MYH10: variants seen among roughly 807,000 people sequenced by gnomAD.
MYH10 encodes myosin-10.
In MYH10, 55 loss-of-function variants were observed where a neutral mutation model predicts 257.8. That is an observed-to-expected ratio of 0.21 (90% CI 0.17 to 0.27). MYH10 has a LOEUF of 0.27. Ranked by LOEUF, MYH10 falls within the 10% of genes least tolerant of loss-of-function variation. The pLI is 1.00. For missense variants in MYH10, 1,631 were observed against 2,500.6 expected (o/e 0.65, Z 7.42); for synonymous variants, 854 against 921.7 (o/e 0.93, Z 1.33).
At chr17:8,626,585 AATAATAAT>A (rs2085688715) in intron 1 of MYH10, among the ~76,000 whole-genome samples, 1 of 144,216 alleles carries the variant, frequency 6.9e-6, no homozygotes. Flanking sequence ...AATAAATAAT[AATAATAAT>A]AATAATAATA....
chr17:8,514,304 A>G (rs2151886381), intron 21 of MYH10, among the ~76,000 whole-genome samples: 1 of 152,178 alleles, frequency 6.6e-6, no homozygotes, highest in East Asian at 1.9e-4. Flanking sequence ...TTTCCTTTTG[A>G]TATGTCACAG....
Position 8,492,911 on chromosome 17 carries a change from C to T in MYH10, c.4323G>A (p.Glu1441=), listed in dbSNP as rs767600655. 1.9e-6 allele frequency: 3 copies of T among 1,614,142 alleles called. No individual in the cohort carries two copies. Among genetic ancestry groups the T allele is most frequent in the African/African-American group, 1.3e-5 (1 of 75,044 alleles). The change falls in exon 33 of 43, where the codon GAG becomes GAA. Residue 1441 remains glutamate (E), a synonymous_variant. Coordinates refer to ENST00000360416, the MANE Select transcript of MYH10 (RefSeq NM_001256012.3). Reference sequence around the variant, plus strand: ...CCAGTTTGTCATACGCCAGTGCCTTCTCCTCCAGGCGCTGGCTCAGGGCCT... The same window carrying T: ...CCAGTTTGTCATACGCCAGTGCCTTTTCCTCCAGGCGCTGGCTCAGGGCCT... The part of the protein sequence containing the change: ...DAEALSQRLE[E]KALAYDKLEK...
intron 34 of MYH10, 71 bp downstream of exon 34, chr17:8,492,226 C>T (rs888009448): frequency 5.4e-6 from 8 of 1,473,284 alleles, no homozygotes; most frequent in African/African-American, 1.4e-5. Flanking sequence ...GAGTCGCCCG[C>T]TCCTGTGTGA....
Position 8,499,299 on chromosome 17 carries a change from C to G in MYH10, c.3922G>C (p.Glu1308Gln). 2 of 1,614,048 alleles carry G rather than the reference C, an allele frequency of 1.2e-6. No homozygotes were observed. The highest frequency in any genetic ancestry group is 1.7e-6 in the Non-Finnish European group (2 of 1,179,992). The change falls in exon 30 of 43, where the codon GAG (glutamate) becomes CAG (glutamine). Residue 1308 changes from glutamate to glutamine, a missense_variant. This residue lies in a region of MYH10 where 463 missense variants were observed against 621.8 expected (regional missense o/e 0.74). Coordinates refer to ENST00000360416, the MANE Select transcript of MYH10 (RefSeq NM_001256012.3). ...AGCTTACTTGCTTTCTCCGCCAGCT[C>G]CACCCTGAGCCTGTCGCCTTCAGAG... is the stretch of plus-strand genomic sequence containing the variant. ...KVSEGDRLRV[E>Q]LAEKASKLQN...
chr17:8,506,243 G>A lies in MYH10; in HGVS notation c.3386+75C>T. 1 of 1,428,408 alleles carries A rather than the reference G, an allele frequency of 7.0e-7. No homozygotes were observed. The highest frequency in any genetic ancestry group is 9.2e-7 in the Non-Finnish European group (1 of 1,082,074). 88.5% of individuals were successfully genotyped at this position (1,428,408 alleles called of 1,614,324 possible). A position where few individuals can be genotyped will look rare whatever the true frequency, so the allele number is the denominator to read the frequency against. ...TCTCACTCTCCCAGGGTTTTTGAAT[G>A]CTCCCGAACATAACAAAGTCTGCTG... On this transcript the variant is annotated intron_variant, in intron 27 of 42. Transcript: ENST00000360416. This position sits in a 1 kb window ranked among gnomAD's most constrained non-coding sequence, Gnocchi z 5.0.
intron 4 of MYH10, among the ~76,000 whole-genome samples, chr17:8,581,965 T>C (rs1470564792): frequency 6.6e-6 from 1 of 152,182 alleles, no homozygotes; most frequent in East Asian, 1.9e-4. Flanking sequence ...TTATATGCCT[T>C]TAAAATGAGA....
At chr17:8,625,864 C>A (rs1227193687) in intron 1 of MYH10, among the ~76,000 whole-genome samples, 2 of 152,254 alleles carry the variant, frequency 1.3e-5, no homozygotes, top group African/African-American at 4.8e-5. Context: ...AACCATTGCT[C>A]CAAAGTTCTG....
chr17:8,592,069 C>T (rs2084167537), intron 3 of MYH10, among the ~76,000 whole-genome samples: 1 of 152,190 alleles, frequency 6.6e-6, no homozygotes, highest in Non-Finnish European at 1.5e-5. Flanking sequence ...GGGGGAAAAA[C>T]TCACTTTCAA....
At chr17:8,476,068 C>T (rs1425406025) in intron 42 of MYH10, 120 bp from the exon 43 acceptor site, 3 of 1,175,482 alleles carry the variant, frequency 2.6e-6, no homozygotes, top group Non-Finnish European at 3.5e-6. Context: ...GGACACACGA[C>T]CTTGTGGGGG....
At chr17:8,564,798 A>G (rs557904491) in intron 7 of MYH10, among the ~76,000 whole-genome samples, 5 of 152,362 alleles carry the variant, frequency 3.3e-5, no homozygotes, top group Admixed American at 3.3e-4. Flanking sequence ...AGGAAAGATA[A>G]TAAATACACA....
At chr17:8,512,170 T>C (rs141452076) in intron 24 of MYH10, among the ~76,000 whole-genome samples, 79 of 152,356 alleles carry the variant, frequency 5.2e-4, no homozygotes, top group Admixed American at 1.3e-3. Context: ...CAGAATGCTA[T>C]AGATCCTGGG....
rs780299862 is a variant in MYH10 at position 8,480,420 on chromosome 17, G to T, written c.5370C>A (p.Phe1790Leu). Reference protein sequence around the residue: ...QSNMELLNDRFRKTTLQVDTL... With the variant: ...QSNMELLNDRLRKTTLQVDTL... ...GGGCCACCTGTAGAGTGGTCTTGCG[G>T]AAGCGGTCGTTGAGCAGCTCCATGT... The change falls in exon 39 of 43, where the codon TTC becomes TTA. Residue 1790 changes from phenylalanine (F) to leucine (L), a missense_variant. This residue lies in a region of MYH10 where 343 missense variants were observed against 389.5 expected (regional missense o/e 0.88). Coordinates refer to ENST00000360416, the MANE Select transcript of MYH10 (RefSeq NM_001256012.3). 1.9e-6 allele frequency: 3 copies of T among 1,613,228 alleles called. No homozygotes were observed. The highest frequency in any genetic ancestry group is 3.3e-5 in the Admixed American group (2 of 60,002).
At chr17:8,546,973 A>T (rs1053804057) in intron 11 of MYH10, among the ~76,000 whole-genome samples, 5 of 152,118 alleles carry the variant, frequency 3.3e-5, no homozygotes, top group African/African-American at 1.2e-4. Context: ...CACAGGCATG[A>T]TCTCACTACT....
At chr17:8,494,242 T>C (rs1916231333) in intron 31 of MYH10, among the ~76,000 whole-genome samples, 1 of 152,152 alleles carries the variant, frequency 6.6e-6, no homozygotes, top group Non-Finnish European at 1.5e-5. Context: ...CCGTCTTAGT[T>C]CAGGCCCTCA....
intron 37 of MYH10, among the ~76,000 whole-genome samples, chr17:8,483,699 A>T (rs1002874961): frequency 6.6e-6 from 1 of 152,220 alleles, no homozygotes; most frequent in African/African-American, 2.4e-5. Flanking sequence ...AAGAAAGATA[A>T]ATGAAGGAAT....
chr17:8,504,582 A>G lies in MYH10; in HGVS notation c.3599+112T>C. The G allele has an allele frequency of 1.1e-6, 1 of 911,426 alleles. No homozygotes were observed. The highest frequency in any genetic ancestry group is 1.7e-6 in the Non-Finnish European group (1 of 593,642). 56.5% of individuals were successfully genotyped at this position (911,426 alleles called of 1,614,324 possible). On this transcript the variant is annotated intron_variant, in intron 28 of 42. Coordinates refer to ENST00000360416, the MANE Select transcript of MYH10 (RefSeq NM_001256012.3). This position sits in a 1 kb window ranked among gnomAD's most constrained non-coding sequence, Gnocchi z 5.6. ...TTTAATCACCGTTCCACCTGCCATC[A>G]CAAGGAAAAGCACACCACCTCCCAA...
At chr17:8,498,099 C>G (rs1257835744) in intron 30 of MYH10, among the ~76,000 whole-genome samples, 1 of 151,258 alleles carries the variant, frequency 6.6e-6, no homozygotes, top group East Asian at 2.0e-4. Flanking sequence ...TCTCCTGCCT[C>G]AGCCTCCTGA....
At position 8,506,767 on chromosome 17, in the gene MYH10, C is replaced by T. The variant is rs2081086608; in HGVS notation, c.3215-278G>A. ...GGGAGGTGAGACCACACTGTGAGAGCCGAAGGGAGCTGGAATCCTCTCATG... is the reference window on the plus strand; with the variant it reads ...GGGAGGTGAGACCACACTGTGAGAGTCGAAGGGAGCTGGAATCCTCTCATG... On this transcript the variant is annotated intron_variant, in intron 26 of 42. Coordinates refer to ENST00000360416, the MANE Select transcript of MYH10 (RefSeq NM_001256012.3). The surrounding 1 kb of genome is among the most constrained non-coding windows in gnomAD (Gnocchi z 5.0). Among the ~76,000 whole-genome samples the T allele has an allele frequency of 6.6e-6, 1 of 152,058 alleles. No individual in the cohort carries two copies. Among genetic ancestry groups the T allele is most frequent in the Admixed American group, 6.6e-5 (1 of 15,260 alleles).
At chr17:8,571,826 C>G (rs552419733) in intron 6 of MYH10, among the ~76,000 whole-genome samples, 10 of 152,068 alleles carry the variant, frequency 6.6e-5, no homozygotes, top group African/African-American at 1.9e-4. Context: ...TCCTCCACCC[C>G]CCCGGGGTCA....
Sources: allele counts gnomAD v4.1 joint callset (sites outside exome capture counted in the v4.1 genomes callset), GRCh38; gene constraint gnomAD v4.1.1; regional missense constraint gnomAD v4.1.1; non-coding constraint Gnocchi (gnomAD v3.1); transcripts MANE v1.5; gene names NCBI Gene and HGNC (gene_info 2026-07-23, HGNC 2026-07-21).